Variants in STX12 observed in about 807,000 individuals in gnomAD.
The protein encoded by STX12 is syntaxin 12.
In STX12, 17 loss-of-function variants were observed where a neutral mutation model predicts 42.2. The observed-to-expected ratio is 0.40, with a 90% confidence interval of 0.28 to 0.60. The LOEUF is 0.60. Ranked by LOEUF, STX12 falls within the 20% of genes least tolerant of loss-of-function variation. The probability of loss-of-function intolerance (pLI) is 0.39; values close to 1 mark genes in which losing one functional copy is unlikely to be tolerated. For missense variants in STX12, 297 were observed against 330.9 expected, an observed-to-expected ratio of 0.90 and a Z score of 0.79; for synonymous variants, 108 against 116.7, an observed-to-expected ratio of 0.93 and a Z score of 0.48.
chr1:27,802,009 G>A, intron 4 of STX12, 194 bp downstream of exon 4: 1 of 432,440 alleles, frequency 2.3e-6, no homozygotes, highest in Non-Finnish European at 3.9e-6. Flanking sequence ...TGAAGGTTAA[G>A]AGATATAGGA....
At position 27,810,280 on chromosome 1, in the gene STX12, C is replaced by T. The variant is rs771629228; in HGVS notation, c.461C>T (p.Ser154Leu). 1.9e-6 allele frequency: 3 copies of T among 1,613,158 alleles called. No homozygotes were observed. Among genetic ancestry groups the T allele is most frequent in the Non-Finnish European group, 2.5e-6 (3 of 1,179,484 alleles). The change falls in exon 5 of 9, where the codon TCA becomes TTA. Residue 154 changes from serine to leucine, a missense_variant. Physicochemically the swap from Ser to Leu is moderately radical, Grantham distance 145. Coordinates refer to ENST00000373943, the MANE Select transcript of STX12 (RefSeq NM_177424.3). ...EERQREEQLV[S>L]FDSHEEWNQM... The stretch of plus-strand genomic sequence containing the variant: ...AGGCAAAGAGAGGAGCAGCTGGTCT[C>T]ATTTGACAGGTAATAGAATTATTCA...
intron 4 of STX12, among the ~76,000 whole-genome samples, chr1:27,808,174 C>T (rs1055123372): frequency 6.6e-6 from 1 of 151,892 alleles, no homozygotes; most frequent in Non-Finnish European, 1.5e-5. Context: ...AAAAAACAAA[C>T]CAAAAACCCA....
chr1:27,817,787 G>A lies in STX12; in HGVS notation c.577-64G>A, dbSNP rs965218399. ...TGTTAATAGCTAAAACTTTAGGTAC[G>A]TGAGGGAAACAAATCTTCTAACATG... On this transcript the variant is annotated intron_variant, in intron 6 of 8. Transcript: ENST00000373943. The A allele has an allele frequency of 3.9e-5, 58 of 1,472,892 alleles. 1 individual carries two copies. In the Admixed American group the frequency reaches 6.7e-4, roughly 17 times the overall value. The allele number at this position is 1,472,892 out of a possible 1,614,324, so 91.2% of individuals were successfully genotyped here. A position where few individuals can be genotyped will look rare whatever the true frequency, so the allele number is the denominator to read the frequency against.
chr1:27,807,914 CA>C (rs1470219280), intron 4 of STX12, among the ~76,000 whole-genome samples: 1 of 151,750 alleles, frequency 6.6e-6, no homozygotes, highest in African/African-American at 2.4e-5. Flanking sequence ...TGGAATGATT[CA>C]AAAAAAGCAC....
intron 1 of STX12, among the ~76,000 whole-genome samples, chr1:27,784,547 T>C (rs371797302): frequency 9.2e-5 from 14 of 152,306 alleles, no homozygotes; most frequent in African/African-American, 3.4e-4. Context: ...ATTTTAAGTA[T>C]GCTCAAGGGC....
chr1:27,788,544 A>G (rs2088714104), intron 1 of STX12, among the ~76,000 whole-genome samples: 1 of 152,216 alleles, frequency 6.6e-6, no homozygotes, highest in South Asian at 2.1e-4. Context: ...GAGAAGGCTG[A>G]ACAAAACCAT....
intron 1 of STX12, among the ~76,000 whole-genome samples, chr1:27,777,740 A>C (rs935522823): frequency 6.6e-6 from 1 of 151,900 alleles, no homozygotes; most frequent in Non-Finnish European, 1.5e-5. Context: ...CAAAAAAATT[A>C]GCCAGGCGTG....
intron 3 of STX12, 22 bp downstream of exon 3, chr1:27,793,654 T>C (rs769582839): frequency 1.3e-6 from 2 of 1,597,062 alleles, no homozygotes. Context: ...CTGTTTTGTT[T>C]ATTAATAGGA....
At chr1:27,796,512 T>G (rs12082091) in intron 3 of STX12, among the ~76,000 whole-genome samples, 18,715 of 152,016 alleles carry the variant, frequency 0.12, 3,837 homozygotes, top group African/African-American at 0.43. Context: ...CCACCTTAGC[T>G]TCTCGAGTAG....
At chr1:27,776,247 T>C (rs1434655150) in intron 1 of STX12, among the ~76,000 whole-genome samples, 1 of 152,190 alleles carries the variant, frequency 6.6e-6, no homozygotes, top group Non-Finnish European at 1.5e-5. Flanking sequence ...GTGCTTTACA[T>C]ACATTATCTT....
At chr1:27,800,039 G>A (rs1401075422) in intron 3 of STX12, among the ~76,000 whole-genome samples, 3 of 152,248 alleles carry the variant, frequency 2.0e-5, no homozygotes, top group East Asian at 1.9e-4. Flanking sequence ...ACAGGCATGC[G>A]CTACTGCGCC....
Position 27,822,510 on chromosome 1 carries a change from T to C in STX12, c.*181T>C. 2.0e-6 allele frequency: 1 copy of C among 488,238 alleles called. No individual in the cohort carries two copies. The highest frequency in any genetic ancestry group is 1.9e-5 in the African/African-American group (1 of 52,276). 30.2% of individuals were successfully genotyped at this position (488,238 alleles called of 1,614,324 possible). ...ACCTATGGAGACAGTAATTATCAAT[T>C]TATTGATTCTATTGATTTCTCAAAT... is the stretch of plus-strand genomic sequence containing the variant. On this transcript the variant is annotated 3_prime_UTR_variant, in exon 9 of 9. Transcript: ENST00000373943.
intron 3 of STX12, among the ~76,000 whole-genome samples, chr1:27,799,415 C>T (rs1237389179): frequency 6.6e-6 from 1 of 150,458 alleles, no homozygotes; most frequent in Non-Finnish European, 1.5e-5. Flanking sequence ...CATGATGTTT[C>T]TTGCTCAAAA....
chr1:27,811,431 C>A (rs1254106250), intron 5 of STX12, among the ~76,000 whole-genome samples: 1 of 151,862 alleles, frequency 6.6e-6, no homozygotes. Context: ...AAAGCAAGAC[C>A]CCCATTTCTA....
chr1:27,773,471 A>G lies in STX12; in HGVS notation c.118+46A>G, dbSNP rs777658909. ...GGGGGGCGGGAGCTGTCCCGGGGAC[A>G]GGCCTGGGTGAGGCTGCCGGGACGC... is the stretch of plus-strand genomic sequence containing the variant. On this transcript the variant is annotated intron_variant, in intron 1 of 8. Coordinates refer to ENST00000373943, the MANE Select transcript of STX12 (RefSeq NM_177424.3). 147 of 1,575,950 alleles carry G rather than the reference A, an allele frequency of 9.3e-5. 4 individuals carry two copies. The South Asian group carries it at 1.6e-3, about 17-fold the overall frequency.
At chr1:27,813,928 T>A (rs2148607006) in intron 6 of STX12, among the ~76,000 whole-genome samples, 1 of 152,152 alleles carries the variant, frequency 6.6e-6, no homozygotes, top group South Asian at 2.1e-4. Flanking sequence ...TGAGTCAGAG[T>A]CTTACTCTGT....
chr1:27,812,348 A>T, intron 6 of STX12, 80 bp downstream of exon 6: 1 of 1,055,310 alleles, frequency 9.5e-7, no homozygotes, highest in Non-Finnish European at 1.4e-6. Flanking sequence ...TAATTCTCTT[A>T]GTGATTATGA....
At chr1:27,773,450 G>A (rs1216823855) in intron 1 of STX12, 25 bp downstream of exon 1, 3 of 1,606,818 alleles carry the variant, frequency 1.9e-6, no homozygotes, top group African/African-American at 2.7e-5. Flanking sequence ...CGAGCTGGGG[G>A]GCGGGAGCTG....
At chr1:27,810,042 G>A in intron 4 of STX12, 1 of 507,610 alleles carries the variant, frequency 2.0e-6, no homozygotes, top group South Asian at 3.1e-5. Context: ...TTCTGTTCAG[G>A]ACTCAAACTG....
Sources: allele counts gnomAD v4.1 joint callset (sites outside exome capture counted in the v4.1 genomes callset), GRCh38; gene constraint gnomAD v4.1.1; transcripts MANE v1.5; gene names NCBI Gene and HGNC (gene_info 2026-07-23, HGNC 2026-07-21).